Variants in SPIDR observed in about 807,000 individuals in gnomAD.
SPIDR encodes scaffold protein involved in DNA repair, also known as DNA repair-scaffolding protein.
A neutral mutation model predicts 104.6 loss-of-function variants in SPIDR; 93 were observed. The observed-to-expected ratio is 0.89, with a 90% CI of 0.75 to 1.06. The LOEUF is 1.06. SPIDR is among the 50% of genes least tolerant of loss of function. The probability of loss-of-function intolerance (pLI) is 0.00; values close to 1 mark genes in which losing one functional copy is unlikely to be tolerated. For synonymous variants in SPIDR, 431 were observed against 416.9 expected, an observed-to-expected ratio of 1.03 and a Z score of -0.41; for missense variants, 1,154 against 1,111.2, an observed-to-expected ratio of 1.04 and a Z score of -0.55.
At chr8:47,490,156 G>C (rs2078433462) in intron 8 of SPIDR, among the ~76,000 whole-genome samples, 1 of 151,268 alleles carries the variant, frequency 6.6e-6, no homozygotes, top group South Asian at 2.1e-4. Context: ...AAATTTACAG[G>C]AAAAAACAAC....
In SPIDR at chr8:47,260,986, T is replaced by C; in HGVS notation, c.28T>C (p.Ser10Pro). ...GCCCCGCGGCAGCCGCGCTCGGGGC[T>C]CTAAGGTAGGCTCTGGGGCGGGAGT... MPRGSRARGSKRKRSWNTEC... is the reference protein window; with the variant it reads MPRGSRARGPKRKRSWNTEC... Residue 10 changes from serine to proline, a missense_variant, in exon 1 of 20, where the codon TCT becomes CCT. Coordinates refer to ENST00000297423, the MANE Select transcript of SPIDR (RefSeq NM_001080394.4). 1.6e-6 allele frequency: 2 copies of C among 1,230,102 alleles called. No homozygotes were observed. Among genetic ancestry groups the C allele is most frequent in the Non-Finnish European group, 2.0e-6 (2 of 986,676 alleles). The allele number at this position is 1,230,102 out of a possible 1,614,324, so 76.2% of individuals were successfully genotyped here.
intron 8 of SPIDR, among the ~76,000 whole-genome samples, chr8:47,576,720 C>T (rs2059172089): frequency 6.6e-6 from 1 of 152,236 alleles, no homozygotes; most frequent in African/African-American, 2.4e-5. Context: ...AGGCATGAGC[C>T]ACCACACCTG....
At chr8:47,372,272 T>C (rs970736813) in intron 5 of SPIDR, among the ~76,000 whole-genome samples, 2 of 152,212 alleles carry the variant, frequency 1.3e-5, no homozygotes, top group African/African-American at 4.8e-5. Context: ...ATAGTAAACA[T>C]GTAATTAGTG....
chr8:47,545,504 A>T (rs966402533), intron 8 of SPIDR, among the ~76,000 whole-genome samples: 2 of 152,052 alleles, frequency 1.3e-5, no homozygotes, highest in Non-Finnish European at 2.9e-5. Flanking sequence ...AGTTTTGCTG[A>T]ACTCATTTAT....
intron 7 of SPIDR, among the ~76,000 whole-genome samples, chr8:47,420,275 C>G (rs1185427415): frequency 6.6e-6 from 1 of 152,072 alleles, no homozygotes; most frequent in African/African-American, 2.4e-5. Flanking sequence ...TCTCTAAGGA[C>G]TTGCTTTATG....
chr8:47,650,201 A>G (rs2071363813), intron 10 of SPIDR, among the ~76,000 whole-genome samples: 1 of 152,172 alleles, frequency 6.6e-6, no homozygotes, highest in African/African-American at 2.4e-5. Context: ...ATACCTAGAA[A>G]ACCCTAAAGA....
At chr8:47,370,308 A>C (rs1265902172) in intron 5 of SPIDR, among the ~76,000 whole-genome samples, 1 of 152,148 alleles carries the variant, frequency 6.6e-6, no homozygotes, top group Non-Finnish European at 1.5e-5. Flanking sequence ...CTGTGTTGCT[A>C]TTCATATAGA....
rs530249924 is a variant in SPIDR at position 47,727,382 on chromosome 8, G to A, written c.2435+89G>A. 20 of 1,231,612 alleles carry A rather than the reference G, an allele frequency of 1.6e-5. No individual in the cohort carries two copies. The East Asian group carries it at 2.4e-4, about 15-fold the overall frequency. The allele number at this position is 1,231,612 out of a possible 1,614,324, so 76.3% of individuals were successfully genotyped here. Reference sequence around the variant, plus strand: ...CAGAACCTGGGCCTTGCTACCTCAGGTGACTCCCTCGAGAGCTCAAGGGGC... The same window carrying A: ...CAGAACCTGGGCCTTGCTACCTCAGATGACTCCCTCGAGAGCTCAAGGGGC... On this transcript the variant is annotated intron_variant, in intron 17 of 19. Coordinates refer to ENST00000297423, the MANE Select transcript of SPIDR (RefSeq NM_001080394.4).
chr8:47,458,031 C>T (rs573307696), intron 8 of SPIDR, among the ~76,000 whole-genome samples: 2 of 152,204 alleles, frequency 1.3e-5, no homozygotes, highest in South Asian at 4.1e-4. Flanking sequence ...TAATGTCATG[C>T]CTCCAGATTT....
chr8:47,263,772 C>T (rs2033186986), intron 1 of SPIDR, among the ~76,000 whole-genome samples: 3 of 152,286 alleles, frequency 2.0e-5, no homozygotes, highest in African/African-American at 7.2e-5. Flanking sequence ...TCCATTGAGG[C>T]CCACCCCAAA....
chr8:47,521,504 G>A (rs1240270599), intron 8 of SPIDR, among the ~76,000 whole-genome samples: 2 of 144,656 alleles, frequency 1.4e-5, no homozygotes, highest in Non-Finnish European at 1.5e-5. Flanking sequence ...TGTAACCTCC[G>A]CCTCCTGGGT....
At chr8:47,563,459 C>T (rs1244401055) in intron 8 of SPIDR, among the ~76,000 whole-genome samples, 2 of 152,126 alleles carry the variant, frequency 1.3e-5, no homozygotes, top group African/African-American at 4.8e-5. Flanking sequence ...CAGGTGTGAG[C>T]CATCGCACCT....
At chr8:47,716,599 G>C (rs561651571) in intron 16 of SPIDR, among the ~76,000 whole-genome samples, 2 of 152,288 alleles carry the variant, frequency 1.3e-5, no homozygotes, top group East Asian at 3.9e-4. Flanking sequence ...GGCTTTGGGG[G>C]CTTTGAAGCT....
chr8:47,352,766 G>A (rs1554623297), intron 5 of SPIDR, among the ~76,000 whole-genome samples: 1 of 152,150 alleles, frequency 6.6e-6, no homozygotes, highest in Non-Finnish European at 1.5e-5. Context: ...AAAGTAACTT[G>A]AAAAGTTATT....
At chr8:47,296,153 C>A (rs1261077262) in intron 5 of SPIDR, among the ~76,000 whole-genome samples, 1 of 152,014 alleles carries the variant, frequency 6.6e-6, no homozygotes, top group Admixed American at 6.6e-5. Context: ...GAGTTGAGTT[C>A]TTTGTCTATT....
At chr8:47,702,046 C>G in intron 14 of SPIDR, 31 bp downstream of exon 14, 1 of 1,530,016 alleles carries the variant, frequency 6.5e-7, no homozygotes, top group Non-Finnish European at 8.8e-7. Context: ...CTCAATCTCT[C>G]AGCCTTTCTC....
chr8:47,578,956 GAAAAT>G (rs1385065702), intron 8 of SPIDR, among the ~76,000 whole-genome samples: 1 of 152,146 alleles, frequency 6.6e-6, no homozygotes, highest in African/African-American at 2.4e-5. Context: ...ATAAGAAGCT[GAAAAT>G]AAAAGGAATA....
chr8:47,345,816 A>G (rs183485333), intron 5 of SPIDR, among the ~76,000 whole-genome samples: 3 of 152,312 alleles, frequency 2.0e-5, no homozygotes, highest in East Asian at 1.9e-4. Flanking sequence ...TTGATTTTGT[A>G]TCCCGAGACT....
At chr8:47,617,527 G>T (rs1381848568) in intron 10 of SPIDR, among the ~76,000 whole-genome samples, 2 of 152,132 alleles carry the variant, frequency 1.3e-5, no homozygotes, top group Admixed American at 6.6e-5. Context: ...GGACATTAGG[G>T]CCATCAAAAG....
Sources: allele counts gnomAD v4.1 joint callset (sites outside exome capture counted in the v4.1 genomes callset), GRCh38; gene constraint gnomAD v4.1.1; transcripts MANE v1.5; gene names NCBI Gene and HGNC (gene_info 2026-07-23, HGNC 2026-07-21).